SLC6A17: variants seen among roughly 807,000 people sequenced by gnomAD.
The protein encoded by SLC6A17 is sodium-dependent neutral amino acid transporter SLC6A17.
SLC6A17 carries 21 observed loss-of-function variants against 64.5 expected under a neutral mutation model. The ratio of observed to expected loss-of-function variants is 0.33; its 90% CI spans 0.23 to 0.47. The LOEUF is 0.47. SLC6A17 is among the 20% of genes least tolerant of loss of function. The pLI, the probability that SLC6A17 is intolerant of heterozygous loss-of-function variation, is 1.00. For missense variants in SLC6A17, 682 were observed against 963.2 expected (o/e 0.71, Z 3.86); for synonymous variants, 372 against 399.5 (o/e 0.93, Z 0.82).
In SLC6A17 at chr1:110,192,136, G is replaced by A. The variant is rs749859472; in HGVS notation, c.1029G>A (p.Thr343=). The part of the protein sequence containing the change: ...AALVSFINFF[T]SVLATLVVFA... The stretch of plus-strand genomic sequence containing the variant: ...TGGTGTCCTTCATCAACTTCTTCAC[G>A]TCAGTGTTGGCCACCCTCGTGGTGT... The change falls in exon 7 of 12, where the codon ACG becomes ACA. Residue 343 remains threonine (T), a synonymous_variant. Transcript: ENST00000331565. The surrounding 1 kb of genome is among the most constrained non-coding windows in gnomAD (Gnocchi z 4.3). 5.0e-6 allele frequency: 8 copies of A among 1,614,032 alleles called. No individual in the cohort carries two copies. Among genetic ancestry groups the A allele is most frequent in the African/African-American group, 4.0e-5 (3 of 74,906 alleles).
At chr1:110,174,700 C>A in intron 4 of SLC6A17, 79 bp from the exon 5 acceptor site, 1 of 1,537,096 alleles carries the variant, frequency 6.5e-7, no homozygotes, top group East Asian at 2.3e-5. Context: ...CCCACTGCTG[C>A]CCTGAGTGGT....
chr1:110,155,430 G>A (rs2101836318), intron 1 of SLC6A17, among the ~76,000 whole-genome samples: 1 of 152,320 alleles, frequency 6.6e-6, no homozygotes, highest in Non-Finnish European at 1.5e-5. Flanking sequence ...TTACTCTCAT[G>A]TTCAGAACCA....
chr1:110,197,958 G>A, intron 11 of SLC6A17, 118 bp from the exon 12 acceptor site: 1 of 1,480,244 alleles, frequency 6.8e-7, no homozygotes, highest in East Asian at 2.3e-5. Context: ...TGGCCAGGAT[G>A]GTGGGAGGGG....
chr1:110,185,716 G>A (rs979131458), intron 6 of SLC6A17, among the ~76,000 whole-genome samples: 8 of 152,330 alleles, frequency 5.3e-5, no homozygotes, highest in Non-Finnish European at 8.8e-5. Context: ...TCTGAATCTG[G>A]CCGGGGGTTC....
At chr1:110,186,626 C>A (rs4839225) in intron 6 of SLC6A17, among the ~76,000 whole-genome samples, 9 of 151,986 alleles carry the variant, frequency 5.9e-5, no homozygotes, top group Non-Finnish European at 1.0e-4. Flanking sequence ...CCCTCCTGCT[C>A]AGCTCACAAC....
intron 1 of SLC6A17, among the ~76,000 whole-genome samples, chr1:110,163,919 C>T (rs752367167): frequency 6.6e-6 from 1 of 152,146 alleles, no homozygotes; most frequent in African/African-American, 2.4e-5. Context: ...CCCCAACCCC[C>T]GCATCCAGCA....
rs563301581 is a variant in SLC6A17 at position 110,174,121 on chromosome 1, G to C, written c.571+22G>C. 6 of 1,612,970 alleles carry C rather than the reference G, an allele frequency of 3.7e-6. No homozygotes were observed. The African/African-American group carries it at 4.0e-5, about 11-fold the overall frequency. On this transcript the variant is annotated intron_variant, in intron 4 of 11. Coordinates refer to ENST00000331565, the MANE Select transcript of SLC6A17 (RefSeq NM_001010898.4). ...GCAGGCAAGTATGGGGCCCAGCTGG[G>C]GATGCCAGCCAGCCCTGTCCCAGGA...
chr1:110,172,064 T>TTACCTGGTGCCC lies in SLC6A17; in HGVS notation c.302_313dup (p.Pro101_Val104dup). ...ATCCCTCTGCTCTCCCCACAGGTGC[T>TTACCTGGTGCCC]TACCTGGTGCCCTACCTGGTGCTGC... On this transcript the variant is annotated inframe_insertion, in exon 3 of 12. Coordinates refer to ENST00000331565, the MANE Select transcript of SLC6A17 (RefSeq NM_001010898.4). 1 of 1,614,006 alleles carries TTACCTGGTGCCC rather than the reference T, an allele frequency of 6.2e-7. No homozygotes were observed. The highest frequency in any genetic ancestry group is 8.5e-7 in the Non-Finnish European group (1 of 1,179,946).
At chr1:110,172,510 G>A (rs1176178168) in intron 3 of SLC6A17, 1 of 345,500 alleles carries the variant, frequency 2.9e-6, no homozygotes, top group Non-Finnish European at 5.3e-6. Context: ...CTCAGCCAGA[G>A]TTCTCTGGGA....
intron 6 of SLC6A17, among the ~76,000 whole-genome samples, chr1:110,182,830 CTAA>C (rs1025054009): frequency 6.6e-6 from 1 of 151,920 alleles, no homozygotes; most frequent in Non-Finnish European, 1.5e-5. Flanking sequence ...GAGGACAAAT[CTAA>C]TAATAATGGG....
chr1:110,152,405 C>G (rs1480770633), intron 1 of SLC6A17, among the ~76,000 whole-genome samples: 1 of 152,190 alleles, frequency 6.6e-6, no homozygotes, highest in Non-Finnish European at 1.5e-5. Flanking sequence ...TGGCCTGAGT[C>G]ACACACAGAG....
At chr1:110,163,843 G>T (rs1433471669) in intron 1 of SLC6A17, among the ~76,000 whole-genome samples, 1 of 152,136 alleles carries the variant, frequency 6.6e-6, no homozygotes, top group Non-Finnish European at 1.5e-5. Context: ...CTCTGCCAAT[G>T]CTCTTTCCTG....
chr1:110,160,641 G>A (rs1033805017), intron 1 of SLC6A17, among the ~76,000 whole-genome samples: 24 of 152,234 alleles, frequency 1.6e-4, no homozygotes, highest in South Asian at 1.0e-3. Context: ...AGGGCAGAGC[G>A]TTAATGCTCA....
At chr1:110,155,085 C>G (rs1255278012) in intron 1 of SLC6A17, among the ~76,000 whole-genome samples, 1 of 152,192 alleles carries the variant, frequency 6.6e-6, no homozygotes, top group Non-Finnish European at 1.5e-5. Flanking sequence ...CCATGCTGTC[C>G]TAGCCTGCCC....
chr1:110,185,740 G>T (rs537449705), intron 6 of SLC6A17, among the ~76,000 whole-genome samples: 1 of 152,292 alleles, frequency 6.6e-6, no homozygotes, highest in East Asian at 1.9e-4. Flanking sequence ...CTCTGTTGTT[G>T]CTTGTTAGAA....
chr1:110,171,451 A>G (rs1391018305), intron 2 of SLC6A17, among the ~76,000 whole-genome samples: 1 of 152,196 alleles, frequency 6.6e-6, no homozygotes, highest in Non-Finnish European at 1.5e-5. Context: ...CCTCCTGGCT[A>G]TGCTTTCCTG....
chr1:110,179,507 T>C (rs1217562908), intron 6 of SLC6A17, among the ~76,000 whole-genome samples: 1 of 144,392 alleles, frequency 6.9e-6, no homozygotes, highest in Non-Finnish European at 1.5e-5. Context: ...CTTTCCTTCC[T>C]TCTTCCTTTC....
chr1:110,198,536 A>T lies in SLC6A17; in HGVS notation c.*92A>T. 5 of 1,513,598 alleles carry T rather than the reference A, an allele frequency of 3.3e-6. No homozygotes were observed. Among genetic ancestry groups the T allele is most frequent in the Non-Finnish European group, 4.4e-6 (5 of 1,137,126 alleles). The allele number at this position is 1,513,598 out of a possible 1,614,324, so 93.8% of individuals were successfully genotyped here. ...CTTTCTTGAGGTGGCCACCAGGCCC[A>T]GGCCAGGCCCTTTGCCCAAGAAGAG... On this transcript the variant is annotated 3_prime_UTR_variant, in exon 12 of 12. Transcript: ENST00000331565.
chr1:110,156,641 G>A (rs531989457), intron 1 of SLC6A17, among the ~76,000 whole-genome samples: 2 of 152,126 alleles, frequency 1.3e-5, no homozygotes, highest in Admixed American at 6.5e-5. Flanking sequence ...GTATTTTATC[G>A]TAAGTTGTTG....
Sources: gnomAD v4.1 joint callset for allele counts (sites outside exome capture counted in the v4.1 genomes callset) on GRCh38, gnomAD v4.1.1 for gene constraint, Gnocchi (gnomAD v3.1) non-coding constraint, MANE v1.5 for transcripts, NCBI Gene and HGNC (gene_info 2026-07-23, HGNC 2026-07-21) for gene names.